The following UBAC2 variants were observed in gnomAD, a reference collection of about 807,000 sequenced individuals.
The protein encoded by UBAC2 is ubiquitin-associated domain-containing protein 2.
Under a neutral mutation model 44.0 loss-of-function variants are expected in UBAC2, and 26 were observed. That is an observed-to-expected ratio of 0.59 (90% confidence interval 0.43 to 0.82). The LOEUF is 0.82. Ranked by LOEUF, UBAC2 falls within the 40% of genes least tolerant of loss-of-function variation. The pLI is 0.00. For synonymous variants in UBAC2, 155 were observed against 154.3 expected (o/e 1.00, Z -0.04); for missense variants, 329 against 419.4 (o/e 0.78, Z 1.88).
chr13:99,206,501 G>A (rs943915761), intron 1 of UBAC2, among the ~76,000 whole-genome samples: 20 of 152,186 alleles, frequency 1.3e-4, no homozygotes, highest in Admixed American at 1.2e-3. Flanking sequence ...ATGCTCACCA[G>A]CCTCTGATCC....
At chr13:99,380,077 C>G (rs1281992339) in intron 8 of UBAC2, among the ~76,000 whole-genome samples, 1 of 152,138 alleles carries the variant, frequency 6.6e-6, no homozygotes, top group East Asian at 1.9e-4. Flanking sequence ...CCCTTGGAGA[C>G]ACTGAATAAA....
intron 4 of UBAC2, among the ~76,000 whole-genome samples, chr13:99,271,407 T>G (rs1418099005): frequency 1.3e-5 from 2 of 152,066 alleles, no homozygotes; most frequent in African/African-American, 4.8e-5. Flanking sequence ...ATCCCGTACG[T>G]GGACAGCTGG....
At chr13:99,234,932 C>T (rs1168392951) in intron 1 of UBAC2, among the ~76,000 whole-genome samples, 1 of 152,152 alleles carries the variant, frequency 6.6e-6, no homozygotes, top group African/African-American at 2.4e-5. Context: ...TAATTTGCTT[C>T]TTTTTTTCTC....
chr13:99,330,731 T>C (rs1279940212), intron 6 of UBAC2, among the ~76,000 whole-genome samples: 2 of 152,190 alleles, frequency 1.3e-5, no homozygotes, highest in African/African-American at 4.8e-5. Context: ...TGCTTCTTCC[T>C]GGTCTTAGAT....
At chr13:99,332,847 C>A (rs2044735425) in intron 6 of UBAC2, among the ~76,000 whole-genome samples, 1 of 152,234 alleles carries the variant, frequency 6.6e-6, no homozygotes, top group Non-Finnish European at 1.5e-5. Context: ...AGAGTTCCCC[C>A]AGCCCCCTGA....
chr13:99,246,821 A>G (rs1373482039), intron 4 of UBAC2, among the ~76,000 whole-genome samples: 2 of 152,230 alleles, frequency 1.3e-5, no homozygotes, highest in Non-Finnish European at 2.9e-5. Flanking sequence ...GAAAGACACT[A>G]TAAATGTTAA....
At chr13:99,338,467 G>A (rs2044835239) in intron 6 of UBAC2, among the ~76,000 whole-genome samples, 1 of 152,188 alleles carries the variant, frequency 6.6e-6, no homozygotes, top group Admixed American at 6.5e-5. Flanking sequence ...TCTAGTCCCT[G>A]TGCTTTTCTG....
At chr13:99,283,640 G>C (rs1265191462) in intron 4 of UBAC2, among the ~76,000 whole-genome samples, 1 of 150,110 alleles carries the variant, frequency 6.7e-6, no homozygotes, top group South Asian at 2.1e-4. Context: ...GGCTACTTAA[G>C]TGGCAAGCCT....
At chr13:99,278,166 T>A (rs1301294753) in intron 4 of UBAC2, among the ~76,000 whole-genome samples, 1 of 152,208 alleles carries the variant, frequency 6.6e-6, no homozygotes, top group Non-Finnish European at 1.5e-5. Context: ...ATTAATTTGG[T>A]TATTTAGACC....
chr13:99,270,207 T>C (rs1424221598), intron 4 of UBAC2, among the ~76,000 whole-genome samples: 1 of 152,180 alleles, frequency 6.6e-6, no homozygotes, highest in African/African-American at 2.4e-5. Flanking sequence ...TTGGCCCTAA[T>C]AGTAACATTA....
chr13:99,271,024 G>A (rs1270073461), intron 4 of UBAC2, among the ~76,000 whole-genome samples: 1 of 152,112 alleles, frequency 6.6e-6, no homozygotes, highest in African/African-American at 2.4e-5. Context: ...TATTTGTTGA[G>A]CACCTACTTT....
intron 7 of UBAC2, among the ~76,000 whole-genome samples, chr13:99,363,535 G>A (rs534698114): frequency 2.0e-5 from 3 of 152,338 alleles, no homozygotes; most frequent in East Asian, 1.9e-4. Flanking sequence ...TGTCCTGAAG[G>A]TGTCAGCCCC....
intron 2 of UBAC2, among the ~76,000 whole-genome samples, chr13:99,240,414 A>G (rs2142730052): frequency 6.6e-6 from 1 of 152,286 alleles, no homozygotes; most frequent in Middle Eastern, 3.4e-3. Flanking sequence ...GCAGTTTGTT[A>G]TATCTTAGTA....
rs190665213 is a variant in UBAC2 at position 99,272,821 on chromosome 13, G to T, written c.389+28197G>T. 7.5e-3 allele frequency among the ~76,000 whole-genome samples: 1,145 copies of T among 152,180 alleles called. 5 individuals are homozygous for T. Among genetic ancestry groups the T allele is most frequent in the Non-Finnish European group, 0.012 (815 of 67,998 alleles). On this transcript the variant is annotated intron_variant, in intron 4 of 8. Coordinates refer to ENST00000403766, the MANE Select transcript of UBAC2 (RefSeq NM_001144072.2). ...TGCTTCAACATATGAATTTAGGGGT[G>T]GGGGGAGACAAAGTTCAGTGCACAG...
intron 8 of UBAC2, among the ~76,000 whole-genome samples, chr13:99,380,670 C>T (rs2045539497): frequency 1.3e-5 from 2 of 152,184 alleles, no homozygotes; most frequent in Admixed American, 1.3e-4. Context: ...CATCGCATAC[C>T]CAAGCCCAAG....
At chr13:99,333,645 C>T (rs1372068986) in intron 6 of UBAC2, among the ~76,000 whole-genome samples, 1 of 152,230 alleles carries the variant, frequency 6.6e-6, no homozygotes, top group Non-Finnish European at 1.5e-5. Flanking sequence ...AAAAGCCCTA[C>T]TTCCCTGCCA....
At chr13:99,243,056 T>C (rs2043338438) in intron 2 of UBAC2, among the ~76,000 whole-genome samples, 1 of 152,184 alleles carries the variant, frequency 6.6e-6, no homozygotes, top group Non-Finnish European at 1.5e-5. Context: ...TTAACTTTTA[T>C]ATCTGTTTTA....
chr13:99,225,504 A>G (rs1240401257), intron 1 of UBAC2, among the ~76,000 whole-genome samples: 1 of 152,240 alleles, frequency 6.6e-6, no homozygotes, highest in Non-Finnish European at 1.5e-5. Flanking sequence ...TTTAAGGCTG[A>G]ATTAAATTCC....
At chr13:99,348,512 G>A (rs2045027710) in intron 7 of UBAC2, among the ~76,000 whole-genome samples, 2 of 152,212 alleles carry the variant, frequency 1.3e-5, no homozygotes, top group Admixed American at 6.5e-5. Flanking sequence ...ATTCGCCTGA[G>A]ATTGAGGTTC....
Sources: allele counts gnomAD v4.1 joint callset (sites outside exome capture counted in the v4.1 genomes callset), GRCh38; gene constraint gnomAD v4.1.1; transcripts MANE v1.5; gene names NCBI Gene and HGNC (gene_info 2026-07-23, HGNC 2026-07-21).